PDE4B: variants seen among roughly 807,000 people sequenced by gnomAD.
PDE4B encodes the protein phosphodiesterase 4B.
Under a neutral mutation model 82.2 loss-of-function variants are expected in PDE4B, and 20 were observed. The ratio of observed to expected loss-of-function variants is 0.24; its 90% CI spans 0.17 to 0.35. The LOEUF is 0.35. Ranked by LOEUF, PDE4B falls within the 10% of genes least tolerant of loss-of-function variation. The pLI, the probability that PDE4B is intolerant of heterozygous loss-of-function variation, is 1.00. For missense variants in PDE4B, 655 were observed against 907.2 expected, an observed-to-expected ratio of 0.72 and a Z score of 3.57; for synonymous variants, 320 against 318.9, an observed-to-expected ratio of 1.00 and a Z score of -0.04.
Position 66,164,560 on chromosome 1 carries a change from AAAG to A in PDE4B, c.282-82897_282-82895del, listed in dbSNP as rs1476474947. On this transcript the variant is annotated intron_variant, in intron 3 of 16. Transcript: ENST00000341517. ...CAAAAAAAAAAAAAAAAAAAAAAAA[AAAG>A]AAAGAAAGAAAGAAAAAGAAAGAAA... is the stretch of plus-strand genomic sequence containing the variant. 3.1e-4 allele frequency among the ~76,000 whole-genome samples: 43 copies of A among 137,626 alleles called. 1 individual carries two copies. The highest frequency in any genetic ancestry group is 9.8e-4 in the African/African-American group (34 of 34,590). 90.3% of individuals were successfully genotyped at this position (137,626 alleles called of 152,430 possible).
intron 3 of PDE4B, among the ~76,000 whole-genome samples, chr1:66,013,712 T>C (rs1652617284): frequency 1.3e-5 from 2 of 152,136 alleles, no homozygotes; most frequent in South Asian, 4.1e-4. Flanking sequence ...TATGGAAATT[T>C]AGGTTGCTTC....
At chr1:66,103,751 C>A (rs2503162) in intron 3 of PDE4B, among the ~76,000 whole-genome samples, 1 of 151,860 alleles carries the variant, frequency 6.6e-6, no homozygotes, top group East Asian at 1.9e-4. Context: ...TCTGTTGGAA[C>A]TTCTTGGGCT....
chr1:66,085,574 C>T lies in PDE4B; in HGVS notation c.282-161886C>T, dbSNP rs910850903. Among the ~76,000 whole-genome samples, 2 of 152,072 alleles carry T rather than the reference C, an allele frequency of 1.3e-5. 1 individual carries two copies. The highest frequency in any genetic ancestry group is 4.1e-4 in the South Asian group (2 of 4,822). Reference sequence around the variant, plus strand: ...GCGTTTACCTTCATGGAAAGCAGCTCTCAGAGCACCTGAGAAGTTTTATTT... The same window carrying T: ...GCGTTTACCTTCATGGAAAGCAGCTTTCAGAGCACCTGAGAAGTTTTATTT... On this transcript the variant is annotated intron_variant, in intron 3 of 16. Coordinates refer to ENST00000341517, the MANE Select transcript of PDE4B (RefSeq NM_002600.4).
chr1:65,887,805 A>ATT (rs372075110), intron 1 of PDE4B, among the ~76,000 whole-genome samples: 2,252 of 151,638 alleles, frequency 0.015, 67 homozygotes, highest in African/African-American at 0.053. Flanking sequence ...TTTCAATGAG[A>ATT]TTTTTTTTAA....
At chr1:66,091,067 T>C (rs1645013618) in intron 3 of PDE4B, among the ~76,000 whole-genome samples, 1 of 152,006 alleles carries the variant, frequency 6.6e-6, no homozygotes, top group African/African-American at 2.4e-5. Context: ...CACCCTGTTG[T>C]GGCCCCTGTT....
intron 3 of PDE4B, among the ~76,000 whole-genome samples, chr1:66,037,125 C>CAAAA (rs71058446): frequency 3.5e-5 from 3 of 86,682 alleles, no homozygotes; most frequent in African/African-American, 1.3e-4. Context: ...GACTCTGCCT[C>CAAAA]AAAAAAAAAA....
Position 66,059,402 on chromosome 1 carries a change from C to A in PDE4B, c.281+140567C>A, listed in dbSNP as rs187164290. Among the ~76,000 whole-genome samples, 3 of 152,292 alleles carry A rather than the reference C, an allele frequency of 2.0e-5. No individual in the cohort carries two copies. The East Asian group carries it at 5.8e-4, about 29-fold the overall frequency. ...TTCAGGTATCTTTTCAGCAGCCCCC[C>A]ACTCTACTGGCACCAATTTGCTGTA... is the stretch of plus-strand genomic sequence containing the variant. On this transcript the variant is annotated intron_variant, in intron 3 of 16. Coordinates refer to ENST00000341517, the MANE Select transcript of PDE4B (RefSeq NM_002600.4).
chr1:65,868,634 A>C (rs1019387221), intron 1 of PDE4B, among the ~76,000 whole-genome samples: 7 of 152,306 alleles, frequency 4.6e-5, no homozygotes, highest in Admixed American at 4.6e-4. Flanking sequence ...CAAACTGGCA[A>C]AGGGACTGTA....
intron 3 of PDE4B, among the ~76,000 whole-genome samples, chr1:65,987,678 T>C (rs11585157): frequency 6.6e-6 from 1 of 152,148 alleles, no homozygotes; most frequent in African/African-American, 2.4e-5. Flanking sequence ...AATGGCACAA[T>C]CTCTGCTCAC....
At chr1:65,982,247 T>C (rs1383609236) in intron 3 of PDE4B, among the ~76,000 whole-genome samples, 1 of 152,226 alleles carries the variant, frequency 6.6e-6, no homozygotes, top group African/African-American at 2.4e-5. Context: ...TGTGTTCTAG[T>C]TTCTTTGTGA....
chr1:66,079,437 C>G (rs533520450), intron 3 of PDE4B, among the ~76,000 whole-genome samples: 1 of 152,052 alleles, frequency 6.6e-6, no homozygotes, highest in Non-Finnish European at 1.5e-5. Flanking sequence ...GTGAAATATG[C>G]CACATGAACC....
At chr1:65,806,858 G>T (rs4542192) in intron 1 of PDE4B, among the ~76,000 whole-genome samples, 4 of 152,112 alleles carry the variant, frequency 2.6e-5, no homozygotes, top group Non-Finnish European at 2.9e-5. Flanking sequence ...GTCAATTGTA[G>T]GGCATATCCT....
intron 3 of PDE4B, among the ~76,000 whole-genome samples, chr1:66,179,632 T>A (rs2101392186): frequency 6.6e-6 from 1 of 152,368 alleles, no homozygotes; most frequent in South Asian, 2.1e-4. Context: ...GAATGATGAA[T>A]AGACAAATGG....
At chr1:66,066,951 T>G (rs985888197) in intron 3 of PDE4B, among the ~76,000 whole-genome samples, 4 of 152,016 alleles carry the variant, frequency 2.6e-5, no homozygotes, top group Admixed American at 2.6e-4. Flanking sequence ...TAATATAATC[T>G]TTTTTGGTTC....
intron 1 of PDE4B, among the ~76,000 whole-genome samples, chr1:65,806,295 T>C (rs1298844435): frequency 2.0e-5 from 3 of 152,222 alleles, no homozygotes; most frequent in African/African-American, 7.2e-5. Flanking sequence ...AAAATAATGC[T>C]TGTTTTTGAT....
intron 3 of PDE4B, among the ~76,000 whole-genome samples, chr1:66,106,727 G>A (rs1645367173): frequency 6.6e-6 from 1 of 151,828 alleles, no homozygotes; most frequent in Non-Finnish European, 1.5e-5. Flanking sequence ...TATTTGCATA[G>A]AGGTGTTTGT....
chr1:66,253,073 T>G (rs1317600357), intron 4 of PDE4B, among the ~76,000 whole-genome samples: 3 of 152,230 alleles, frequency 2.0e-5, no homozygotes, highest in African/African-American at 7.2e-5. Flanking sequence ...TGCTAAGCAC[T>G]GTTATCAAGA....
chr1:65,967,505 A>G (rs1158939235), intron 3 of PDE4B, among the ~76,000 whole-genome samples: 2 of 152,248 alleles, frequency 1.3e-5, no homozygotes, highest in East Asian at 1.9e-4. Flanking sequence ...AGAACTAGAA[A>G]TACCATCTGA....
intron 3 of PDE4B, among the ~76,000 whole-genome samples, chr1:66,123,548 C>T (rs1214556611): frequency 2.0e-5 from 3 of 151,284 alleles, no homozygotes; most frequent in African/African-American, 7.3e-5. Context: ...CTCTCTCCCT[C>T]CCTCCTTCCC....
Sources: allele counts gnomAD v4.1 joint callset (sites outside exome capture counted in the v4.1 genomes callset), GRCh38; gene constraint gnomAD v4.1.1; transcripts MANE v1.5; gene names NCBI Gene and HGNC (gene_info 2026-07-23, HGNC 2026-07-21).